The following RNF2 variants were observed in gnomAD, a reference collection of about 807,000 sequenced individuals.
The protein encoded by RNF2 is E3 ubiquitin-protein ligase RING2.
RNF2 carries 6 observed loss-of-function variants against 37.2 expected under a neutral mutation model. That is an observed-to-expected ratio of 0.16 (90% CI 0.09 to 0.32). The LOEUF (loss-of-function observed/expected upper bound fraction) is 0.32. RNF2 is among the 10% of genes least tolerant of loss of function. The probability of loss-of-function intolerance (pLI) is 1.00; values close to 1 mark genes in which losing one functional copy is unlikely to be tolerated. For synonymous variants in RNF2, 133 were observed against 132.7 expected, an observed-to-expected ratio of 1.00 and a Z score of -0.02; for missense variants, 251 against 404.0, an observed-to-expected ratio of 0.62 and a Z score of 3.25.
At chr1:185,072,041 T>A (rs1350115599) in intron 1 of RNF2, 1 of 152,550 alleles carries the variant, frequency 6.6e-6, no homozygotes, top group African/African-American at 2.4e-5. Context: ...TTGATGGTCA[T>A]GGTGGTAGGG....
chr1:185,065,978 C>T (rs114731227), intron 1 of RNF2, among the ~76,000 whole-genome samples: 1,824 of 150,664 alleles, frequency 0.012, 38 homozygotes, highest in African/African-American at 0.042. Flanking sequence ...TTAGTATCAG[C>T]ATCTACACAG....
chr1:185,045,820 C>T (rs941614526), intron 1 of RNF2, among the ~76,000 whole-genome samples, 171 bp downstream of exon 1: 9 of 152,110 alleles, frequency 5.9e-5, no homozygotes, highest in Middle Eastern at 3.2e-3. Flanking sequence ...GCTCTCGCGG[C>T]GGAGACGGCG....
intron 1 of RNF2, among the ~76,000 whole-genome samples, chr1:185,067,416 G>T (rs779797405): frequency 6.6e-6 from 1 of 152,116 alleles, no homozygotes; most frequent in Non-Finnish European, 1.5e-5. Flanking sequence ...CCTGTATCCT[G>T]TAAGCAAGCA....
intron 1 of RNF2, among the ~76,000 whole-genome samples, chr1:185,081,350 C>T (rs1375080127): frequency 6.6e-6 from 1 of 151,274 alleles, no homozygotes. Flanking sequence ...GCGAGAGGTC[C>T]GATGACTATG....
At chr1:185,085,638 A>T (rs950178240) in intron 1 of RNF2, among the ~76,000 whole-genome samples, 4 of 150,088 alleles carry the variant, frequency 2.7e-5, no homozygotes, top group African/African-American at 9.8e-5. Context: ...CGATTTGATC[A>T]TGTCACTCTC....
intron 4 of RNF2, among the ~76,000 whole-genome samples, chr1:185,096,232 A>G (rs1472446713): frequency 6.6e-6 from 1 of 152,170 alleles, no homozygotes; most frequent in Non-Finnish European, 1.5e-5. Flanking sequence ...TAGCCCGTTC[A>G]TACCTTTTTT....
At chr1:185,058,107 C>T (rs529226600) in intron 1 of RNF2, among the ~76,000 whole-genome samples, 240 of 152,252 alleles carry the variant, frequency 1.6e-3, no homozygotes, top group Non-Finnish European at 2.8e-3. Context: ...GCATTGCTGA[C>T]AGAGCGATAC....
intron 1 of RNF2, among the ~76,000 whole-genome samples, chr1:185,046,510 G>C (rs1032514665): frequency 2.6e-5 from 4 of 152,064 alleles, no homozygotes; most frequent in Admixed American, 1.3e-4. Flanking sequence ...CAAACTTTGA[G>C]GTTCATTCCA....
intron 6 of RNF2, 64 bp downstream of exon 6, chr1:185,100,026 A>G (rs557996256): frequency 3.2e-5 from 46 of 1,452,830 alleles, no homozygotes; most frequent in Middle Eastern, 1.8e-4. Context: ...CTGAGTGGCA[A>G]GTGGTGGGGT....
intron 1 of RNF2, among the ~76,000 whole-genome samples, chr1:185,078,612 G>A (rs548720736): frequency 7.9e-5 from 12 of 152,256 alleles, no homozygotes; most frequent in Admixed American, 3.3e-4. Context: ...GTGGCCTGGC[G>A]CAGTGGCTCA....
intron 4 of RNF2, among the ~76,000 whole-genome samples, chr1:185,097,374 T>C (rs1440100494): frequency 4.6e-5 from 7 of 152,198 alleles, no homozygotes; most frequent in African/African-American, 1.4e-4. Flanking sequence ...TTCTTAACTT[T>C]TGTTTCCTTA....
chr1:185,075,102 C>T (rs1651106424), intron 1 of RNF2, among the ~76,000 whole-genome samples: 1 of 152,116 alleles, frequency 6.6e-6, no homozygotes, highest in Non-Finnish European at 1.5e-5. Context: ...TCAAGCCATT[C>T]TCCTGCCTTA....
chr1:185,094,644 A>C lies in RNF2; in HGVS notation c.464+1368A>C, dbSNP rs1651862978. ...TCTATTCTCAGCACAGCAGCCAGAG[A>C]TACTGTTAAATTGAAAGGAAGATCA... On this transcript the variant is annotated intron_variant, in intron 4 of 6. Coordinates refer to ENST00000367510, the MANE Select transcript of RNF2 (RefSeq NM_007212.4). Among the ~76,000 whole-genome samples, 3 of 152,184 alleles carry C rather than the reference A, an allele frequency of 2.0e-5. No individual in the cohort carries two copies. The South Asian group carries it at 6.2e-4, about 31-fold the overall frequency.
intron 1 of RNF2, among the ~76,000 whole-genome samples, chr1:185,085,566 C>T (rs1299250134): frequency 6.6e-6 from 1 of 152,218 alleles, no homozygotes; most frequent in East Asian, 1.9e-4. Context: ...CTTTCTCTCA[C>T]TGATTTTATT....
intron 4 of RNF2, among the ~76,000 whole-genome samples, chr1:185,096,327 CT>C (rs1449678490): frequency 2.6e-5 from 4 of 151,844 alleles, no homozygotes; most frequent in Non-Finnish European, 5.9e-5. Context: ...TAAGTACATT[CT>C]TTTTTTTCTT....
intron 1 of RNF2, among the ~76,000 whole-genome samples, chr1:185,069,513 A>G (rs2102170519): frequency 6.6e-6 from 1 of 152,126 alleles, no homozygotes; most frequent in Non-Finnish European, 1.5e-5. Context: ...TATTTATCTA[A>G]GGGCTGAGCT....
intron 3 of RNF2, among the ~76,000 whole-genome samples, chr1:185,092,245 C>T (rs552711772): frequency 3.3e-5 from 5 of 149,816 alleles, no homozygotes; most frequent in African/African-American, 7.4e-5. Context: ...GGCACAATCT[C>T]GGCTCACTGC....
intron 1 of RNF2, among the ~76,000 whole-genome samples, chr1:185,078,753 T>C (rs1347468136): frequency 6.8e-6 from 1 of 147,990 alleles, no homozygotes; most frequent in Admixed American, 6.7e-5. Flanking sequence ...CTACTAAAAA[T>C]AGAAAAATTC....
chr1:185,058,279 T>C (rs1432502908), intron 1 of RNF2, among the ~76,000 whole-genome samples: 1 of 152,252 alleles, frequency 6.6e-6, no homozygotes, highest in Non-Finnish European at 1.5e-5. Context: ...ATTTTATTTA[T>C]GTAAGGGATT....
Sources: allele counts gnomAD v4.1 joint callset (sites outside exome capture counted in the v4.1 genomes callset), GRCh38; gene constraint gnomAD v4.1.1; transcripts MANE v1.5; gene names NCBI Gene and HGNC (gene_info 2026-07-23, HGNC 2026-07-21).